Variants in CACNA1C observed in about 807,000 individuals in gnomAD.
The protein encoded by CACNA1C is calcium voltage-gated channel subunit alpha1 C, also known as voltage-dependent L-type calcium channel subunit alpha-1C.
A neutral mutation model predicts 229.0 loss-of-function variants in CACNA1C; 30 were observed. That is an observed-to-expected ratio of 0.13 (90% CI 0.10 to 0.18). The LOEUF is 0.18. Among genes scored for constraint, CACNA1C ranks in the 10% least tolerant of loss-of-function variants. The pLI is 1.00. For missense variants in CACNA1C, 1,658 were observed against 2,845.0 expected (o/e 0.58, Z 9.49); for synonymous variants, 1,114 against 1,132.5 (o/e 0.98, Z 0.33).
chr12:2,145,866 G>C (rs1303923566), intron 3 of CACNA1C, among the ~76,000 whole-genome samples: 1 of 151,194 alleles, frequency 6.6e-6, no homozygotes, highest in Non-Finnish European at 1.5e-5. Context: ...GGAAAATGCT[G>C]ATCCACACCA....
Position 2,677,942 on chromosome 12 carries a change from G to A in CACNA1C, c.5091+75G>A, listed in dbSNP as rs549897913. The A allele has an allele frequency of 8.3e-4, 1,291 of 1,554,780 alleles. No individual in the cohort carries two copies. The highest frequency in any genetic ancestry group is 1.0e-3 in the Non-Finnish European group (1,172 of 1,132,834). Reference sequence around the variant, plus strand: ...GCAAGAGGTTGGGCTGGGGTTTTGCGGGGAACGTCCAGGGGAAGGAGCTGC... The same window carrying A: ...GCAAGAGGTTGGGCTGGGGTTTTGCAGGGAACGTCCAGGGGAAGGAGCTGC... On this transcript the variant is annotated intron_variant, in intron 41 of 46. Coordinates refer to ENST00000399655, the MANE Select transcript of CACNA1C (RefSeq NM_000719.7). The surrounding 1 kb of genome is among the most constrained non-coding windows in gnomAD (Gnocchi z 7.4).
intron 3 of CACNA1C, among the ~76,000 whole-genome samples, chr12:2,286,581 G>T (rs1457898480): frequency 4.6e-5 from 7 of 152,178 alleles, no homozygotes; most frequent in Non-Finnish European, 1.0e-4. Context: ...AGGTCTGTGA[G>T]GTTCATTCGG....
intron 3 of CACNA1C, among the ~76,000 whole-genome samples, chr12:2,258,744 A>G (rs564014723): frequency 6.6e-6 from 1 of 152,162 alleles, no homozygotes; most frequent in East Asian, 1.9e-4. Context: ...AAGACGCCTG[A>G]ATATTTTCTA....
chr12:2,389,938 G>T (rs983707148), intron 3 of CACNA1C, among the ~76,000 whole-genome samples: 14 of 152,160 alleles, frequency 9.2e-5, no homozygotes, highest in African/African-American at 3.4e-4. Context: ...TGCACAGGAG[G>T]CTGCCTGGAA....
chr12:2,190,744 TCA>T (rs2097185629), intron 3 of CACNA1C, among the ~76,000 whole-genome samples: 2 of 152,144 alleles, frequency 1.3e-5, no homozygotes, highest in Non-Finnish European at 2.9e-5. Flanking sequence ...GCTGGTGGCT[TCA>T]CAGAGTAAAG....
intron 10 of CACNA1C, among the ~76,000 whole-genome samples, chr12:2,555,412 G>C (rs920888496): frequency 6.6e-6 from 1 of 152,220 alleles, no homozygotes; most frequent in African/African-American, 2.4e-5. Flanking sequence ...TGAAGTCCAT[G>C]GTCACCCACT....
chr12:2,280,510 C>T (rs2090833746), intron 3 of CACNA1C, among the ~76,000 whole-genome samples: 1 of 68,282 alleles, frequency 1.5e-5, no homozygotes, highest in Non-Finnish European at 3.3e-5. Flanking sequence ...TTCGGTTTAA[C>T]CTCTTGATAC....
intron 30 of CACNA1C, among the ~76,000 whole-genome samples, chr12:2,644,049 C>T (rs1431081218): frequency 6.6e-6 from 1 of 152,180 alleles, no homozygotes; most frequent in African/African-American, 2.4e-5. Flanking sequence ...ATCAGATCCA[C>T]CTCCCTAAGT....
chr12:2,115,739 A>G (rs776980335), intron 2 of CACNA1C, among the ~76,000 whole-genome samples, 194 bp downstream of exon 2: 2 of 152,242 alleles, frequency 1.3e-5, no homozygotes, highest in Non-Finnish European at 2.9e-5. Flanking sequence ...ATGAATCAGA[A>G]TATCTGGGGA....
chr12:2,043,915 A>T (rs566362397), intron 1 of CACNA1C, among the ~76,000 whole-genome samples: 3 of 151,718 alleles, frequency 2.0e-5, no homozygotes, highest in East Asian at 3.9e-4. Context: ...TCGGCCTCCC[A>T]AAGTGCTGGG....
At chr12:2,642,148 A>G (rs1489013933) in intron 30 of CACNA1C, among the ~76,000 whole-genome samples, 1 of 152,106 alleles carries the variant, frequency 6.6e-6, no homozygotes, top group Non-Finnish European at 1.5e-5. Flanking sequence ...TAGGCATCCA[A>G]TTTGGGTTGT....
chr12:2,447,007 C>A (rs568874767), intron 3 of CACNA1C, among the ~76,000 whole-genome samples: 2 of 152,086 alleles, frequency 1.3e-5, no homozygotes, highest in Admixed American at 1.3e-4. Flanking sequence ...CTCAGCTTCA[C>A]CTTTCTGGGA....
chr12:2,186,490 C>T (rs2097014678), intron 3 of CACNA1C, among the ~76,000 whole-genome samples: 1 of 152,164 alleles, frequency 6.6e-6, no homozygotes, highest in African/African-American at 2.4e-5. Flanking sequence ...AACTTGCCTT[C>T]ACTTTTTTTT....
chr12:2,500,666 GT>G (rs2099757485), intron 7 of CACNA1C, among the ~76,000 whole-genome samples: 1 of 152,176 alleles, frequency 6.6e-6, no homozygotes, highest in South Asian at 2.1e-4. Context: ...AGCAAGGGGA[GT>G]TTGCCAAGAA....
At chr12:2,264,392 T>C (rs1052162168) in intron 3 of CACNA1C, among the ~76,000 whole-genome samples, 1 of 152,206 alleles carries the variant, frequency 6.6e-6, no homozygotes, top group Admixed American at 6.5e-5. Flanking sequence ...ACCTGCAGAA[T>C]GTCTGCACTG....
chr12:2,052,526 A>G (rs1409548453), upstream of CACNA1C, among the ~76,000 whole-genome samples: 1 of 151,122 alleles, frequency 6.6e-6, no homozygotes, highest in East Asian at 1.9e-4. Flanking sequence ...GCGCCGCCGC[A>G]GCGGAGGAGA....
At chr12:2,011,790 G>A (rs1343326678) in intron 1 of CACNA1C, among the ~76,000 whole-genome samples, 2 of 152,192 alleles carry the variant, frequency 1.3e-5, no homozygotes, top group African/African-American at 4.8e-5. Flanking sequence ...CCTCATGCTC[G>A]AAGGAAAGCT....
chr12:2,378,939 G>A (rs375675167), intron 3 of CACNA1C, among the ~76,000 whole-genome samples: 2 of 151,864 alleles, frequency 1.3e-5, no homozygotes, highest in East Asian at 3.9e-4. Flanking sequence ...ACAAATTTAG[G>A]TTTCTTTTTT....
intron 9 of CACNA1C, among the ~76,000 whole-genome samples, chr12:2,543,693 C>G (rs575518406): frequency 6.6e-6 from 1 of 152,168 alleles, no homozygotes; most frequent in African/African-American, 2.4e-5. Context: ...AGATCTGAGA[C>G]TTATGTGAAC....
Sources: allele counts gnomAD v4.1 joint callset (sites outside exome capture counted in the v4.1 genomes callset), GRCh38; gene constraint gnomAD v4.1.1; non-coding constraint Gnocchi (gnomAD v3.1); transcripts MANE v1.5; gene names NCBI Gene and HGNC (gene_info 2026-07-23, HGNC 2026-07-21).